Variants in LONP2 observed in about 807,000 individuals in gnomAD.
LONP2 encodes the protein lon peptidase 2, peroxisomal, also known as lon protease homolog 2, peroxisomal.
A neutral mutation model predicts 85.6 loss-of-function variants in LONP2; 60 were observed. The ratio of observed to expected loss-of-function variants is 0.70; its 90% confidence interval spans 0.57 to 0.87. LONP2 has a LOEUF of 0.87. LONP2 is among the 40% of genes least tolerant of loss of function. The pLI is 0.00. For missense variants in LONP2, 860 were observed against 1,063.5 expected (o/e 0.81, Z 2.66); for synonymous variants, 395 against 389.7 (o/e 1.01, Z -0.16).
chr16:48,267,860 C>T (rs1391381001), intron 6 of LONP2, among the ~76,000 whole-genome samples: 1 of 152,198 alleles, frequency 6.6e-6, no homozygotes, highest in Non-Finnish European at 1.5e-5. Flanking sequence ...AAGTGATCCT[C>T]CCACCTCGGC....
At chr16:48,312,794 C>T (rs1044717900) in intron 11 of LONP2, among the ~76,000 whole-genome samples, 2 of 152,122 alleles carry the variant, frequency 1.3e-5, no homozygotes, top group Non-Finnish European at 2.9e-5. Context: ...TGCAGATGAG[C>T]GTCAGCTGCA....
In LONP2 at chr16:48,362,662, CAT is replaced by C. The variant is rs762531767; in HGVS notation, c.*800_*801del. The C allele has an allele frequency of 1.7e-4, 85 of 490,146 alleles. No individual in the cohort carries two copies. Among genetic ancestry groups the C allele is most frequent in the Non-Finnish European group, 2.8e-4 (74 of 267,118 alleles). 30.4% of individuals were successfully genotyped at this position (490,146 alleles called of 1,614,324 possible). On this transcript the variant is annotated 3_prime_UTR_variant, in exon 5 of 5. Transcript: ENST00000565867. The surrounding 1 kb of genome is among the most constrained non-coding windows in gnomAD (Gnocchi z 4.2). Reference sequence around the variant, plus strand: ...TCTCTTTTCAAAATGTTCCGGAAAACATGTGGAACTCCCTTAATCGTCTTTGG... The same window carrying C: ...TCTCTTTTCAAAATGTTCCGGAAAACGTGGAACTCCCTTAATCGTCTTTGG...
chr16:48,362,242 T>C, downstream of LONP2: 3 of 1,614,188 alleles, frequency 1.9e-6, no homozygotes, highest in Non-Finnish European at 2.5e-6. This position sits in a 1 kb window ranked among gnomAD's most constrained non-coding sequence, Gnocchi z 4.2. Flanking sequence ...CGACAGTTGC[T>C]ACAAACAAGA....
chr16:48,308,658 ATAGAT>A (rs1257028145), intron 11 of LONP2, among the ~76,000 whole-genome samples: 1 of 151,542 alleles, frequency 6.6e-6, no homozygotes, highest in African/African-American at 2.4e-5. Context: ...TCAACTCAAG[ATAGAT>A]TAAAGACTTA....
In LONP2 at chr16:48,355,678, T is replaced by G. The variant is rs2151039185; in HGVS notation, c.*3876T>G. ...CACATCCTTGCCAGCACTCATTTTC[T>G]GGGTTTTTTATAATAGCCCTCCAAA... On this transcript the variant is annotated 3_prime_UTR_variant, in exon 15 of 15. Transcript: ENST00000285737. 1 of 152,330 alleles carries G rather than the reference T, an allele frequency of 6.6e-6. No individual in the cohort carries two copies. Among genetic ancestry groups the G allele is most frequent in the African/African-American group, 2.4e-5 (1 of 41,576 alleles). The allele number at this position is 152,330 out of a possible 1,614,324, so 9.4% of individuals were successfully genotyped here.
intron 9 of LONP2, 80 bp from the exon 10 acceptor site, chr16:48,299,582 T>TAAA: frequency 3.3e-5 from 39 of 1,194,288 alleles, no homozygotes; most frequent in East Asian, 5.6e-5. Context: ...ACTCTGTCTC[T>TAAA]AAAAAAAAAA....
intron 11 of LONP2, among the ~76,000 whole-genome samples, chr16:48,319,824 T>A (rs1427437846): frequency 6.6e-6 from 1 of 152,190 alleles, no homozygotes; most frequent in African/African-American, 2.4e-5. Flanking sequence ...CTGGGCACCA[T>A]CTTGAAGGCT....
intron 8 of LONP2, among the ~76,000 whole-genome samples, chr16:48,284,059 A>C (rs1972386062): frequency 6.6e-6 from 1 of 152,218 alleles, no homozygotes; most frequent in Non-Finnish European, 1.5e-5. Context: ...TAGAAATAGC[A>C]AGAGAACTAG....
In LONP2 at chr16:48,244,330, C is replaced by G. The variant is rs1458356611; in HGVS notation, c.-59C>G. On this transcript the variant is annotated 5_prime_UTR_variant, in exon 1 of 15. Transcript: ENST00000285737. ...TGAGGTTTGGTGACTGCGGGGCAGG[C>G]CGGGGGCAGCTGTCTGTCTGGCTCT... 4 of 1,294,144 alleles carry G rather than the reference C, an allele frequency of 3.1e-6. No individual in the cohort carries two copies. The highest frequency in any genetic ancestry group is 4.1e-6 in the Non-Finnish European group (4 of 968,860). 80.2% of individuals were successfully genotyped at this position (1,294,144 alleles called of 1,614,324 possible).
chr16:48,313,151 A>G (rs1973070055), intron 11 of LONP2, among the ~76,000 whole-genome samples: 1 of 152,206 alleles, frequency 6.6e-6, no homozygotes. Flanking sequence ...TAAATTTTAA[A>G]GTCAGTTTGT....
chr16:48,299,453 A>G (rs944200905), intron 9 of LONP2, among the ~76,000 whole-genome samples: 3 of 151,830 alleles, frequency 2.0e-5, no homozygotes, highest in African/African-American at 7.3e-5. Context: ...GTGGTTGTGC[A>G]TGCCTGTAAT....
intron 6 of LONP2, among the ~76,000 whole-genome samples, chr16:48,265,710 G>A (rs945114789): frequency 2.0e-5 from 3 of 152,082 alleles, no homozygotes; most frequent in Admixed American, 2.0e-4. Flanking sequence ...AGGGTCTTTT[G>A]TAATTTCTTA....
chr16:48,335,528 C>T (rs766956856), intron 12 of LONP2, among the ~76,000 whole-genome samples: 2 of 152,150 alleles, frequency 1.3e-5, no homozygotes, highest in Non-Finnish European at 2.9e-5. Flanking sequence ...AGGTTGGTTA[C>T]TATAAAAATG....
intron 1 of LONP2, among the ~76,000 whole-genome samples, chr16:48,245,528 G>A (rs1469103989): frequency 2.0e-5 from 3 of 152,164 alleles, no homozygotes; most frequent in African/African-American, 7.2e-5. Context: ...GTCAAATTGA[G>A]ATGATAGAAT....
intron 2 of LONP2, among the ~76,000 whole-genome samples, chr16:48,256,143 A>T (rs1445440489): frequency 6.6e-6 from 1 of 152,184 alleles, no homozygotes; most frequent in Non-Finnish European, 1.5e-5. Context: ...AGATTTAAAG[A>T]ATAAGGATCT....
intron 12 of LONP2, chr16:48,345,813 G>C (rs1206103284): frequency 6.6e-6 from 1 of 152,260 alleles, no homozygotes; most frequent in Non-Finnish European, 1.5e-5. Context: ...GGGAGGCCGA[G>C]GCTGGCAGAT....
intron 2 of LONP2, 66 bp from the exon 3 acceptor site, chr16:48,256,544 T>C: frequency 1.3e-6 from 2 of 1,540,024 alleles, no homozygotes; most frequent in Admixed American, 3.5e-5. Flanking sequence ...TAGATGGAAA[T>C]CTGATTTTTA....
intron 10 of LONP2, among the ~76,000 whole-genome samples, chr16:48,300,837 C>T (rs192378600): frequency 1.8e-4 from 28 of 152,278 alleles, no homozygotes; most frequent in African/African-American, 6.5e-4. Context: ...CTTTGGGTAA[C>T]TTTCAATAAG....
chr16:48,271,053 A>G (rs558710057), intron 7 of LONP2, among the ~76,000 whole-genome samples: 15 of 152,214 alleles, frequency 9.9e-5, no homozygotes, highest in Non-Finnish European at 1.8e-4. Flanking sequence ...AGTGGCATGC[A>G]CCTGTGGTCC....
Sources: allele counts gnomAD v4.1 joint callset (sites outside exome capture counted in the v4.1 genomes callset), GRCh38; gene constraint gnomAD v4.1.1; non-coding constraint Gnocchi (gnomAD v3.1); transcripts MANE v1.5; gene names NCBI Gene and HGNC (gene_info 2026-07-23, HGNC 2026-07-21).